The following PINX1 variants were observed in gnomAD, a reference collection of about 807,000 sequenced individuals.
The protein encoded by PINX1 is PIN2 (TERF1) interacting telomerase inhibitor 1.
In PINX1, 34 loss-of-function variants were observed where a neutral mutation model predicts 25.4. That is an observed-to-expected ratio of 1.34 (90% CI 1.02 to 1.78). The LOEUF (loss-of-function observed/expected upper bound fraction) is 1.78, where lower values mean the gene tolerates loss of function less well. PINX1 is among the 40% of genes most tolerant of loss of function. PINX1 has a pLI of 0.00. For synonymous variants in PINX1, 197 were observed against 147.7 expected, an observed-to-expected ratio of 1.33 and a Z score of -2.42; for missense variants, 592 against 404.9, an observed-to-expected ratio of 1.46 and a Z score of -3.97.
At chr8:10,837,084 G>T (rs1472294988) in intron 1 of PINX1, among the ~76,000 whole-genome samples, 1 of 152,152 alleles carries the variant, frequency 6.6e-6, no homozygotes, top group Non-Finnish European at 1.5e-5. Context: ...GGAACTCAAG[G>T]GTTCCCACCA....
At chr8:10,792,452 T>C (rs1169673452) in intron 6 of PINX1, among the ~76,000 whole-genome samples, 1 of 151,954 alleles carries the variant, frequency 6.6e-6, no homozygotes, top group Non-Finnish European at 1.5e-5. Context: ...TCATTGACCG[T>C]CCCTCCCCCG....
chr8:10,782,969 CAGAGT>C (rs1801635895), intron 6 of PINX1, among the ~76,000 whole-genome samples: 1 of 152,140 alleles, frequency 6.6e-6, no homozygotes, highest in African/African-American at 2.4e-5. Context: ...CACTGTTCCT[CAGAGT>C]AATCTACTAA....
Position 10,765,348 on chromosome 8 carries a change from C to A in PINX1, c.*53G>T. Reference sequence around the variant, plus strand: ...TGTGACTTCAGGCCAGAGGTGTCTGCCCCCGCAGTGCCCTGACAGCTGAGT... The same window carrying A: ...TGTGACTTCAGGCCAGAGGTGTCTGACCCCGCAGTGCCCTGACAGCTGAGT... On this transcript the variant is annotated 3_prime_UTR_variant, in exon 7 of 7. Transcript: ENST00000314787. 2 of 1,481,482 alleles carry A rather than the reference C, an allele frequency of 1.3e-6. No individual in the cohort carries two copies. Among genetic ancestry groups the A allele is most frequent in the South Asian group, 1.4e-5 (1 of 73,908 alleles). 91.8% of individuals were successfully genotyped at this position (1,481,482 alleles called of 1,614,324 possible). A position where few individuals can be genotyped will look rare whatever the true frequency, so the allele number is the denominator to read the frequency against.
intron 5 of PINX1, chr8:10,825,315 A>G: frequency 3.7e-6 from 2 of 534,582 alleles, no homozygotes; most frequent in South Asian, 2.8e-5. Context: ...TTCCTGGCAT[A>G]TCAAGGTAGA....
chr8:10,768,138 G>T (rs111604089), intron 6 of PINX1, among the ~76,000 whole-genome samples: 1 of 150,292 alleles, frequency 6.7e-6, no homozygotes, highest in Admixed American at 6.6e-5. Flanking sequence ...CGGTGACCAG[G>T]CACCCTCACA....
intron 6 of PINX1, among the ~76,000 whole-genome samples, chr8:10,788,564 CA>C (rs976983933): frequency 7.1e-5 from 10 of 141,672 alleles, no homozygotes; most frequent in African/African-American, 2.4e-4. Flanking sequence ...GACACTGTCT[CA>C]AAAAAAAAAC....
intron 6 of PINX1, among the ~76,000 whole-genome samples, chr8:10,800,098 T>G (rs1586167822): frequency 6.6e-6 from 1 of 152,230 alleles, no homozygotes; most frequent in Non-Finnish European, 1.5e-5. Flanking sequence ...TCTTTAGGAT[T>G]GTTTTCCTTC....
chr8:10,804,289 T>C (rs1048548203), intron 6 of PINX1, among the ~76,000 whole-genome samples: 2 of 152,124 alleles, frequency 1.3e-5, no homozygotes, highest in Non-Finnish European at 2.9e-5. Context: ...GAACAGTACC[T>C]AGCACAGAAG....
At chr8:10,819,127 G>A (rs1797789011) in intron 6 of PINX1, among the ~76,000 whole-genome samples, 1 of 152,202 alleles carries the variant, frequency 6.6e-6, no homozygotes, top group African/African-American at 2.4e-5. Flanking sequence ...TTCCCAGCCT[G>A]CTGCTTCCAT....
intron 4 of PINX1, among the ~76,000 whole-genome samples, chr8:10,827,278 A>G (rs1486081883): frequency 6.6e-6 from 1 of 152,224 alleles, no homozygotes; most frequent in Admixed American, 6.5e-5. Context: ...ATGGAGGAGC[A>G]GCAATAGCTC....
At chr8:10,807,283 T>C (rs1460460725) in intron 6 of PINX1, among the ~76,000 whole-genome samples, 1 of 143,736 alleles carries the variant, frequency 7.0e-6, no homozygotes, top group African/African-American at 2.6e-5. Context: ...ACTTACCTTA[T>C]AATAAGAAGG....
intron 6 of PINX1, among the ~76,000 whole-genome samples, chr8:10,815,209 T>G (rs939100540): frequency 1.5e-4 from 23 of 152,188 alleles, no homozygotes; most frequent in African/African-American, 5.1e-4. Context: ...CCCAAAATGT[T>G]GGGATTATAG....
chr8:10,813,214 T>G (rs1217095717), intron 6 of PINX1, among the ~76,000 whole-genome samples: 1 of 152,134 alleles, frequency 6.6e-6, no homozygotes, highest in South Asian at 2.1e-4. Context: ...TACTTTGGTG[T>G]CCAGATGTGG....
rs564512330 is a variant in PINX1, at chr8:10,820,252, G to C, written c.412C>G (p.Arg138Gly). 1 of 1,611,094 alleles carries C rather than the reference G, an allele frequency of 6.2e-7. No homozygotes were observed. The highest frequency in any genetic ancestry group is 1.3e-5 in the African/African-American group (1 of 74,976). ...KFTKGKDLSS[R>G]SKTDLDCIFG... ...ATGCAGTCAAGATCTGTTTTGCTCC[G>C]AGATGACAGATCCTTCCCTAGAAAA... Residue 138 changes from arginine (R) to glycine (G), a missense_variant, in exon 6 of 7, where the codon CGG becomes GGG. Coordinates refer to ENST00000314787, the MANE Select transcript of PINX1 (RefSeq NM_017884.6).
At chr8:10,829,646 T>C (rs891675154) in intron 4 of PINX1, among the ~76,000 whole-genome samples, 1 of 152,174 alleles carries the variant, frequency 6.6e-6, no homozygotes, top group Admixed American at 6.5e-5. Flanking sequence ...CTGCATTCTA[T>C]TTAATCTCCA....
In PINX1 at chr8:10,765,359, C is replaced by T; in HGVS notation, c.*42G>A. The T allele has an allele frequency of 6.5e-7, 1 of 1,527,026 alleles. No individual in the cohort carries two copies. The highest frequency in any genetic ancestry group is 8.8e-7 in the Non-Finnish European group (1 of 1,141,466). The allele number at this position is 1,527,026 out of a possible 1,614,324, so 94.6% of individuals were successfully genotyped here. ...GCCAGAGGTGTCTGCCCCCGCAGTG[C>T]CCTGACAGCTGAGTGGTCGGAAGGC... On this transcript the variant is annotated 3_prime_UTR_variant, in exon 7 of 7. Coordinates refer to ENST00000314787, the MANE Select transcript of PINX1 (RefSeq NM_017884.6).
intron 4 of PINX1, among the ~76,000 whole-genome samples, chr8:10,829,931 G>A (rs1208709757): frequency 1.3e-5 from 2 of 152,050 alleles, no homozygotes; most frequent in East Asian, 1.9e-4. Context: ...TGATCCGCCC[G>A]CCTCAGCCTC....
chr8:10,832,767 A>T, intron 3 of PINX1, 125 bp downstream of exon 3: 3 of 580,930 alleles, frequency 5.2e-6, no homozygotes, highest in Non-Finnish European at 9.4e-6. Flanking sequence ...AGTGTTCAAG[A>T]GGAAACGTGA....
At chr8:10,809,885 A>G (rs1802573426) in intron 6 of PINX1, among the ~76,000 whole-genome samples, 1 of 152,254 alleles carries the variant, frequency 6.6e-6, no homozygotes, top group Non-Finnish European at 1.5e-5. Context: ...TGGGTAATTT[A>G]TAAAGTAAAG....
Sources: gnomAD v4.1 joint callset for allele counts (sites outside exome capture counted in the v4.1 genomes callset) on GRCh38, gnomAD v4.1.1 for gene constraint, MANE v1.5 for transcripts, NCBI Gene and HGNC (gene_info 2026-07-23, HGNC 2026-07-21) for gene names.